Variants in RHBDL1 observed in about 807,000 individuals in gnomAD.
The protein encoded by RHBDL1 is rhomboid-related protein 1.
Under a neutral mutation model 34.0 loss-of-function variants are expected in RHBDL1, and 21 were observed. The ratio of observed to expected loss-of-function variants is 0.62; its 90% CI spans 0.44 to 0.89. The LOEUF (loss-of-function observed/expected upper bound fraction) is 0.89, where lower values mean the gene tolerates loss of function less well. Among genes scored for constraint, RHBDL1 ranks in the 40% least tolerant of loss-of-function variants. The probability of loss-of-function intolerance (pLI) is 0.00; values close to 1 mark genes in which losing one functional copy is unlikely to be tolerated. For synonymous variants in RHBDL1, 268 were observed against 234.8 expected, an observed-to-expected ratio of 1.14 and a Z score of -1.29; for missense variants, 450 against 530.6, an observed-to-expected ratio of 0.85 and a Z score of 1.49.
In RHBDL1 at chr16:677,944, C is replaced by T. The variant is rs768430377; in HGVS notation, c.1014C>T (p.Cys338=). The T allele has an allele frequency of 5.6e-6, 9 of 1,603,230 alleles. No homozygotes were observed. The highest frequency in any genetic ancestry group is 3.3e-5 in the Admixed American group (2 of 59,898). The stretch of plus-strand genomic sequence containing the variant: ...ACGAGGAGCGCCTGCGGGACCAGTG[C>T]GGCTGGTGGGTGGTGCTGCTGGCCT... ...RSYEERLRDQ[C]GWWVVLLAYG... is the part of the protein sequence containing the mutation. Residue 338 remains cysteine, a synonymous_variant, in exon 8 of 8, where the codon TGC becomes TGT. Transcript: ENST00000352681.
intron 1 of RHBDL1, 52 bp downstream of exon 1, chr16:675,881 C>A: frequency 6.8e-7 from 1 of 1,473,156 alleles, no homozygotes; most frequent in South Asian, 1.3e-5. Context: ...TGCGGCCCTC[C>A]TGCCGCTGAG....
chr16:676,138 C>G lies in RHBDL1; in HGVS notation c.40-198C>G. On this transcript the variant is annotated intron_variant, in intron 1 of 7. Transcript: ENST00000352681. This position sits in a 1 kb window ranked among gnomAD's most constrained non-coding sequence, Gnocchi z 6.9. ...GGAAGACGGGGGAACAACTGAGGAG[C>G]TGGAGGACTGGGACCCAGGCACCAG... 5 of 1,465,202 alleles carry G rather than the reference C, an allele frequency of 3.4e-6. No homozygotes were observed. Among genetic ancestry groups the G allele is most frequent in the Non-Finnish European group, 4.5e-6 (5 of 1,104,708 alleles). 90.8% of individuals were successfully genotyped at this position (1,465,202 alleles called of 1,614,324 possible). A position where few individuals can be genotyped will look rare whatever the true frequency, so the allele number is the denominator to read the frequency against.
At chr16:677,745 G>A (rs748509021) in intron 7 of RHBDL1, 36 bp from the exon 8 acceptor site, 2 of 1,521,814 alleles carry the variant, frequency 1.3e-6, no homozygotes, top group African/African-American at 1.4e-5. Flanking sequence ...TCAGCCTGCA[G>A]CCAGGGCACC....
Position 676,707 on chromosome 16 carries a change from C to T in RHBDL1, c.237C>T (p.Ala79=). 6.2e-7 allele frequency: 1 copy of T among 1,612,336 alleles called. No individual in the cohort carries two copies. The highest frequency in any genetic ancestry group is 8.5e-7 in the Non-Finnish European group (1 of 1,179,862). ...SSKRSSSFKR[A]IANGQRALPR... is the part of the protein sequence containing the mutation. ...AGCGCTCCAGCAGTTTCAAGCGGGC[C>T]ATTGCTAACGGACAGCGGGCACTGC... Residue 79 remains alanine (A), a synonymous_variant, in exon 3 of 8, where the codon GCC becomes GCT. Coordinates refer to ENST00000352681, the MANE Select transcript of RHBDL1 (RefSeq NM_001278720.2). This position sits in a 1 kb window ranked among gnomAD's most constrained non-coding sequence, Gnocchi z 6.9.
chr16:676,063 C>A lies in RHBDL1; in HGVS notation c.39+234C>A, dbSNP rs1331748139. 4.9e-6 allele frequency: 7 copies of A among 1,434,904 alleles called. No homozygotes were observed. The highest frequency in any genetic ancestry group is 3.7e-6 in the Non-Finnish European group (4 of 1,090,088). 88.9% of individuals were successfully genotyped at this position (1,434,904 alleles called of 1,614,324 possible). On this transcript the variant is annotated intron_variant, in intron 1 of 7. Transcript: ENST00000352681. This position sits in a 1 kb window ranked among gnomAD's most constrained non-coding sequence, Gnocchi z 6.9. ...GAGGGAGGGAGGGAGGGAGGGCGGG[C>A]AGCTGGCTGGTCTTGGACCTTGGCC...
At position 678,118 on chromosome 16, in the gene RHBDL1, C is replaced by T. The variant is rs571490327; in HGVS notation, c.*66C>T. On this transcript the variant is annotated 3_prime_UTR_variant, in exon 8 of 8. Coordinates refer to ENST00000352681, the MANE Select transcript of RHBDL1 (RefSeq NM_001278720.2). Reference sequence around the variant, plus strand: ...GGTGGCCGCCCACCAGGGGCCTTCACGTCTGCCCTTTGTGAACGGACGTCT... The same window carrying T: ...GGTGGCCGCCCACCAGGGGCCTTCATGTCTGCCCTTTGTGAACGGACGTCT... 1.5e-3 allele frequency: 2,195 copies of T among 1,467,284 alleles called. 16 individuals carry two copies. The highest frequency in any genetic ancestry group is 9.5e-4 in the Non-Finnish European group (1,066 of 1,116,964). The allele number at this position is 1,467,284 out of a possible 1,614,324, so 90.9% of individuals were successfully genotyped here. A position where few individuals can be genotyped will look rare whatever the true frequency, so the allele number is the denominator to read the frequency against.
chr16:678,216 C>T lies in RHBDL1; in HGVS notation c.*164C>T, dbSNP rs758823906. The T allele has an allele frequency of 5.1e-6, 7 of 1,382,774 alleles. No individual in the cohort carries two copies. The highest frequency in any genetic ancestry group is 6.5e-6 in the Non-Finnish European group (7 of 1,074,986). 85.7% of individuals were successfully genotyped at this position (1,382,774 alleles called of 1,614,324 possible). A position where few individuals can be genotyped will look rare whatever the true frequency, so the allele number is the denominator to read the frequency against. ...GTCCCAGCCACCCACCCCCCACTCCCAGGACTTGCGGTCTGAGCCTTTTTG... is the reference window on the plus strand; with the variant it reads ...GTCCCAGCCACCCACCCCCCACTCCTAGGACTTGCGGTCTGAGCCTTTTTG... On this transcript the variant is annotated 3_prime_UTR_variant, in exon 8 of 8. Coordinates refer to ENST00000352681, the MANE Select transcript of RHBDL1 (RefSeq NM_001278720.2).
chr16:678,026 G>A lies in RHBDL1; in HGVS notation c.1096G>A (p.Gly366Ser). 2 of 1,583,284 alleles carry A rather than the reference G, an allele frequency of 1.3e-6. No homozygotes were observed. Among genetic ancestry groups the A allele is most frequent in the Non-Finnish European group, 1.7e-6 (2 of 1,170,482 alleles). The change falls in exon 8 of 8, where the codon GGC becomes AGC. Residue 366 changes from glycine (G) to serine (S), a missense_variant. Transcript: ENST00000352681. ...FWNVFAYDLL[G>S]AHIPPPP ...GAACGTCTTCGCCTACGACCTGCTG[G>A]GCGCCCACATCCCCCCACCGCCCTG...
In RHBDL1 at chr16:676,219, C is replaced by A. The variant is rs1227127464; in HGVS notation, c.40-117C>A. ...TCCCAGGGAACAGACAGGCACGGGG[C>A]CCCTGTCCCAAAAGTGCTGGGAGCC... On this transcript the variant is annotated intron_variant, in intron 1 of 7. Coordinates refer to ENST00000352681, the MANE Select transcript of RHBDL1 (RefSeq NM_001278720.2). This position sits in a 1 kb window ranked among gnomAD's most constrained non-coding sequence, Gnocchi z 6.9. 2 of 1,542,648 alleles carry A rather than the reference C, an allele frequency of 1.3e-6. No homozygotes were observed. The highest frequency in any genetic ancestry group is 1.4e-5 in the African/African-American group (1 of 72,830).
In RHBDL1 at chr16:677,834, G is replaced by T. The variant is rs777360612; in HGVS notation, c.904G>T (p.Ala302Ser). ...VWLRFSPPLP[A>S]SGPQPSFMAH... ...GCTGCGCTTCTCCCCGCCGCTGCCC[G>T]CCTCGGGCCCACAGCCCAGCTTCAT... The change falls in exon 8 of 8, where the codon GCC becomes TCC. Residue 302 changes from alanine to serine, a missense_variant. Transcript: ENST00000352681. The T allele has an allele frequency of 3.8e-6, 6 of 1,583,972 alleles. No individual in the cohort carries two copies. The East Asian group carries it at 6.8e-5, about 18-fold the overall frequency.
chr16:676,860 A>AC lies in RHBDL1; in HGVS notation c.396dup (p.Val133ArgfsTer307). ...ACTTCTACCGTCACCGCAGCTGCCC[A>AC]CCCCCCGTGTTCATGGCCTCGGTCA... is the stretch of plus-strand genomic sequence containing the variant. On this transcript the variant is annotated frameshift_variant, in exon 3 of 8. Transcript: ENST00000352681. LOFTEE classifies it high-confidence loss of function. The surrounding 1 kb of genome is among the most constrained non-coding windows in gnomAD (Gnocchi z 6.9). 1.9e-6 allele frequency: 3 copies of AC among 1,608,940 alleles called. No individual in the cohort carries two copies. Among genetic ancestry groups the AC allele is most frequent in the South Asian group, 1.1e-5 (1 of 90,900 alleles).
chr16:677,253 C>T (rs370036012), intron 4 of RHBDL1, 23 bp from the exon 5 acceptor site: 95 of 1,559,410 alleles, frequency 6.1e-5, no homozygotes, highest in Non-Finnish European at 7.8e-5. Flanking sequence ...ACCCTTCGTA[C>T]CCGTTTGCTT....
Position 676,621 on chromosome 16 carries a change from C to A in RHBDL1, c.202-51C>A, listed in dbSNP as rs750378023. On this transcript the variant is annotated intron_variant, in intron 2 of 7. Transcript: ENST00000352681. The surrounding 1 kb of genome is among the most constrained non-coding windows in gnomAD (Gnocchi z 6.9). ...CGGGGAGCTGGGTGAGCCTCACAGG[C>A]AGGGGTGCCATGGGGAGGTCCGTGG... 1.7e-5 allele frequency: 27 copies of A among 1,595,062 alleles called. No homozygotes were observed. Among genetic ancestry groups the A allele is most frequent in the Admixed American group, 3.4e-5 (2 of 59,696 alleles).
intron 4 of RHBDL1, 26 bp from the exon 5 acceptor site, chr16:677,250 G>A (rs773063914): frequency 2.4e-5 from 37 of 1,558,794 alleles, no homozygotes; most frequent in South Asian, 1.9e-4. Context: ...CCCACCCTTC[G>A]TACCCGTTTG....
intron 1 of RHBDL1, 131 bp downstream of exon 1, chr16:675,960 G>A: frequency 6.4e-6 from 9 of 1,405,458 alleles, no homozygotes; most frequent in Non-Finnish European, 8.5e-6. Flanking sequence ...CCACGACCTT[G>A]GTCCGTGTGT....
At position 676,609 on chromosome 16, in the gene RHBDL1, G is replaced by A. The variant is rs1216820974; in HGVS notation, c.202-63G>A. 2.5e-6 allele frequency: 4 copies of A among 1,589,654 alleles called. No homozygotes were observed. Among genetic ancestry groups the A allele is most frequent in the Non-Finnish European group, 3.4e-6 (4 of 1,170,096 alleles). On this transcript the variant is annotated intron_variant, in intron 2 of 7. Transcript: ENST00000352681. The surrounding 1 kb of genome is among the most constrained non-coding windows in gnomAD (Gnocchi z 6.9). ...GGCTTGTGGATGCGGGGAGCTGGGT[G>A]AGCCTCACAGGCAGGGGTGCCATGG... is the stretch of plus-strand genomic sequence containing the variant.
intron 1 of RHBDL1, 46 bp downstream of exon 1, chr16:675,875 GC>G: frequency 6.8e-7 from 1 of 1,478,302 alleles, no homozygotes. Flanking sequence ...CCCCAATGCG[GC>G]CCTCCTGCCG....
At chr16:677,223 G>A in intron 4 of RHBDL1, 53 bp from the exon 5 acceptor site, 16 of 1,553,236 alleles carry the variant, frequency 1.0e-5, no homozygotes, top group Non-Finnish European at 1.3e-5. Flanking sequence ...GGCTGGGGGT[G>A]GGGCCGGATG....
At position 677,921 on chromosome 16, in the gene RHBDL1, G is replaced by C; in HGVS notation, c.991G>C (p.Glu331Gln). Residue 331 changes from glutamate (E) to glutamine (Q), a missense_variant, in exon 8 of 8, where the codon GAG becomes CAG. By Grantham distance (29) the Glu-to-Gln change is conservative. Transcript: ENST00000352681. ...SMGLTILRSYEERLRDQCGWW... is the reference protein window; with the variant it reads ...SMGLTILRSYQERLRDQCGWW... ...GGGCCTGACCATCCTGCGGAGCTAC[G>C]AGGAGCGCCTGCGGGACCAGTGCGG... 6.2e-7 allele frequency: 1 copy of C among 1,603,550 alleles called. No individual in the cohort carries two copies. Among genetic ancestry groups the C allele is most frequent in the Non-Finnish European group, 8.5e-7 (1 of 1,179,330 alleles).
Sources: allele counts gnomAD v4.1 joint callset, GRCh38; gene constraint gnomAD v4.1.1; non-coding constraint Gnocchi (gnomAD v3.1); transcripts MANE v1.5; gene names NCBI Gene and HGNC (gene_info 2026-07-23, HGNC 2026-07-21).